ACOXL: variants seen among roughly 807,000 people sequenced by gnomAD.
ACOXL encodes acyl-CoA oxidase like.
Under a neutral mutation model 71.9 loss-of-function variants are expected in ACOXL, and 70 were observed. The observed-to-expected ratio is 0.97, with a 90% CI of 0.80 to 1.19. ACOXL has a LOEUF of 1.19. ACOXL is among the 50% of genes most tolerant of loss of function. The pLI, the probability that ACOXL is intolerant of heterozygous loss-of-function variation, is 0.00. For missense variants in ACOXL, 703 were observed against 736.3 expected, an observed-to-expected ratio of 0.95 and a Z score of 0.52; for synonymous variants, 253 against 281.6, an observed-to-expected ratio of 0.90 and a Z score of 1.02.
chr2:111,098,672 T>C (rs1479243961), intron 17 of ACOXL: 1 of 152,226 alleles, frequency 6.6e-6, no homozygotes, highest in Non-Finnish European at 1.5e-5. Flanking sequence ...CAATGAGCCA[T>C]AGTTATGGGG....
chr2:110,767,343 G>C (rs997135769), intron 1 of ACOXL, among the ~76,000 whole-genome samples: 1 of 152,198 alleles, frequency 6.6e-6, no homozygotes, highest in Non-Finnish European at 1.5e-5. Flanking sequence ...GAGGGAGCTG[G>C]ATTGGTGGGG....
At chr2:110,820,556 G>A (rs191219076) in intron 9 of ACOXL, among the ~76,000 whole-genome samples, 2 of 152,070 alleles carry the variant, frequency 1.3e-5, no homozygotes, top group East Asian at 1.9e-4. Context: ...AGGAGAGGGA[G>A]TGGGGGTGGG....
intron 14 of ACOXL, among the ~76,000 whole-genome samples, chr2:111,021,287 C>T (rs927835538): frequency 1.3e-5 from 2 of 152,174 alleles, no homozygotes; most frequent in Non-Finnish European, 2.9e-5. Context: ...CCCCCGAATC[C>T]GGGATACAGT....
At chr2:110,810,057 G>C (rs937608767) in intron 9 of ACOXL, among the ~76,000 whole-genome samples, 1 of 152,208 alleles carries the variant, frequency 6.6e-6, no homozygotes, top group Non-Finnish European at 1.5e-5. Context: ...ACTGGCTGGG[G>C]CTGGGGCAGA....
At chr2:111,109,898 C>T (rs1223401527) in intron 17 of ACOXL, among the ~76,000 whole-genome samples, 1 of 151,946 alleles carries the variant, frequency 6.6e-6, no homozygotes, top group African/African-American at 2.4e-5. Context: ...AGGCTGGTCT[C>T]GAACTCCCGG....
intron 9 of ACOXL, among the ~76,000 whole-genome samples, chr2:110,807,580 C>T (rs1214072551): frequency 1.3e-5 from 2 of 152,198 alleles, no homozygotes; most frequent in Non-Finnish European, 2.9e-5. Flanking sequence ...GGAGTTAGCA[C>T]CTGCCCTGCC....
intron 1 of ACOXL, among the ~76,000 whole-genome samples, chr2:110,753,571 G>A (rs747378054): frequency 1.3e-5 from 2 of 152,150 alleles, no homozygotes; most frequent in Non-Finnish European, 2.9e-5. Flanking sequence ...CCTTTTTATT[G>A]CTAAGTAGCA....
At chr2:110,975,921 C>T (rs2149503991) in intron 12 of ACOXL, among the ~76,000 whole-genome samples, 1 of 152,122 alleles carries the variant, frequency 6.6e-6, no homozygotes, top group South Asian at 2.1e-4. Flanking sequence ...ATTTCCATTC[C>T]ATCCATTTTT....
chr2:110,945,082 A>G (rs1419283709), intron 12 of ACOXL, among the ~76,000 whole-genome samples: 1 of 152,110 alleles, frequency 6.6e-6, no homozygotes, highest in African/African-American at 2.4e-5. Flanking sequence ...TTTAATTTGC[A>G]TTTCTCTAAT....
At position 111,046,570 on chromosome 2, in the gene ACOXL, G is replaced by A. The variant is rs968416588; in HGVS notation, c.1370-2648G>A. Among the ~76,000 whole-genome samples the A allele has an allele frequency of 1.3e-5, 2 of 152,200 alleles. 1 individual carries two copies. The highest frequency in any genetic ancestry group is 2.9e-5 in the Non-Finnish European group (2 of 68,036). ...TCACATGGTGGCAGGAAGGAAAAGT[G>A]CCGAGCAAAAGGGGGAAATGCCCTG... On this transcript the variant is annotated intron_variant, in intron 15 of 17. Transcript: ENST00000439055.
In ACOXL at chr2:110,742,584, C is replaced by A. The variant is rs143886392; in HGVS notation, c.-23+9810C>A. ...CACCACACTTGTCTGAGTGCTGCAA[C>A]CACTTCTACAACATGGGCCGTGAAA... On this transcript the variant is annotated intron_variant, in intron 1 of 17. Transcript: ENST00000439055. Among the ~76,000 whole-genome samples, 110 of 152,270 alleles carry A rather than the reference C, an allele frequency of 7.2e-4. 5 individuals carry two copies. In the East Asian group the frequency reaches 0.016, roughly 23 times the overall value.
At chr2:111,058,704 G>GA (rs1466989522) in intron 16 of ACOXL, among the ~76,000 whole-genome samples, 1 of 152,120 alleles carries the variant, frequency 6.6e-6, no homozygotes, top group Non-Finnish European at 1.5e-5. Context: ...TGGGGAAAAA[G>GA]AAAAATACTG....
intron 11 of ACOXL, among the ~76,000 whole-genome samples, chr2:110,918,173 A>T (rs2059933571): frequency 1.3e-5 from 2 of 152,238 alleles, no homozygotes; most frequent in South Asian, 4.1e-4. Flanking sequence ...ACAAGGCTAC[A>T]GTAACCAAAA....
rs532448060 is a variant in ACOXL, at chr2:110,815,237, G to A, written c.753+9842G>A. On this transcript the variant is annotated intron_variant, in intron 9 of 17. Coordinates refer to ENST00000439055, the MANE Select transcript of ACOXL (RefSeq NM_001142807.4). ...GCAACATGAGGGAAACTGCCCCCGT[G>A]ATTCAATTACTTCCCAATGTGTCCC... Among the ~76,000 whole-genome samples, 13 of 152,280 alleles carry A rather than the reference G, an allele frequency of 8.5e-5. No homozygotes were observed. The East Asian group carries it at 2.3e-3, about 27-fold the overall frequency.
At chr2:111,065,765 A>C (rs549772029) in intron 16 of ACOXL, among the ~76,000 whole-genome samples, 51 of 152,358 alleles carry the variant, frequency 3.3e-4, no homozygotes, top group African/African-American at 1.2e-3. Context: ...AAAGACATTC[A>C]ACATCATTAA....
chr2:110,743,665 C>G (rs1677818476), intron 1 of ACOXL, among the ~76,000 whole-genome samples: 1 of 152,164 alleles, frequency 6.6e-6, no homozygotes, highest in Non-Finnish European at 1.5e-5. Flanking sequence ...ATGCACCATT[C>G]AGAGCACTTT....
chr2:111,006,635 TG>T (rs2149647635), intron 14 of ACOXL, among the ~76,000 whole-genome samples: 1 of 152,206 alleles, frequency 6.6e-6, no homozygotes, highest in African/African-American at 2.4e-5. Flanking sequence ...CATGGCTCAC[TG>T]CAACCTTCAC....
chr2:110,848,742 G>C (rs1250610280), intron 10 of ACOXL, among the ~76,000 whole-genome samples: 3 of 152,112 alleles, frequency 2.0e-5, no homozygotes, highest in South Asian at 2.1e-4. Context: ...AGTCAAACCT[G>C]CTCATGACAT....
intron 14 of ACOXL, among the ~76,000 whole-genome samples, chr2:111,021,980 A>C (rs1022156981): frequency 6.6e-6 from 1 of 152,200 alleles, no homozygotes; most frequent in African/African-American, 2.4e-5. Context: ...AGAAAAAAAG[A>C]CAGAACTCAT....
Sources: gnomAD v4.1 joint callset for allele counts (sites outside exome capture counted in the v4.1 genomes callset) on GRCh38, gnomAD v4.1.1 for gene constraint, MANE v1.5 for transcripts, NCBI Gene and HGNC (gene_info 2026-07-23, HGNC 2026-07-21) for gene names.